The following CSMD1 variants were observed in gnomAD, a reference collection of about 807,000 sequenced individuals.
CSMD1 encodes CUB and sushi domain-containing protein 1.
A neutral mutation model predicts 417.5 loss-of-function variants in CSMD1; 213 were observed. That is an observed-to-expected ratio of 0.51 (90% CI 0.46 to 0.57). CSMD1 has a LOEUF of 0.57. Among genes scored for constraint, CSMD1 ranks in the 20% least tolerant of loss-of-function variants. The probability of loss-of-function intolerance (pLI) is 0.00; values close to 1 mark genes in which losing one functional copy is unlikely to be tolerated. For missense variants in CSMD1, 6,923 were observed against 4,529.7 expected, an observed-to-expected ratio of 1.53 and a Z score of -15.17; for synonymous variants, 2,862 against 1,736.8, an observed-to-expected ratio of 1.65 and a Z score of -16.11.
chr8:4,578,888 A>T (rs1799273872), intron 2 of CSMD1, among the ~76,000 whole-genome samples: 1 of 151,322 alleles, frequency 6.6e-6, no homozygotes, highest in Non-Finnish European at 1.5e-5. Context: ...TTACTAGATC[A>T]TTATTTTGAA....
At chr8:4,564,500 T>A (rs1398792147) in intron 2 of CSMD1, among the ~76,000 whole-genome samples, 1 of 152,180 alleles carries the variant, frequency 6.6e-6, no homozygotes, top group Non-Finnish European at 1.5e-5. Flanking sequence ...TTCCATGACA[T>A]ACTTTATCTA....
chr8:3,927,945 G>C (rs1412779908), intron 5 of CSMD1, among the ~76,000 whole-genome samples: 1 of 151,976 alleles, frequency 6.6e-6, no homozygotes, highest in Admixed American at 6.6e-5. Flanking sequence ...TAGATTATCT[G>C]TTAATTTCTT....
intron 6 of CSMD1, among the ~76,000 whole-genome samples, chr8:3,722,050 C>T (rs906092911): frequency 1.3e-5 from 2 of 152,100 alleles, no homozygotes; most frequent in African/African-American, 4.8e-5. Context: ...GTGTCAGAAG[C>T]ATAAGGAAGA....
intron 5 of CSMD1, among the ~76,000 whole-genome samples, chr8:3,975,332 T>G (rs1389453813): frequency 6.6e-6 from 1 of 152,244 alleles, no homozygotes; most frequent in East Asian, 1.9e-4. Flanking sequence ...GTTTGGATGT[T>G]TGTGGACATG....
intron 41 of CSMD1, among the ~76,000 whole-genome samples, chr8:3,123,931 C>T (rs746343006): frequency 2.6e-5 from 4 of 152,118 alleles, no homozygotes; most frequent in Non-Finnish European, 5.9e-5. Flanking sequence ...CAATTAAGTT[C>T]TTTTTTGGGA....
At chr8:4,423,281 A>C (rs1797354312) in intron 2 of CSMD1, among the ~76,000 whole-genome samples, 1 of 152,096 alleles carries the variant, frequency 6.6e-6, no homozygotes, top group Non-Finnish European at 1.5e-5. Flanking sequence ...CTACTATTTG[A>C]AGTTGGCATG....
At chr8:3,041,818 G>T (rs1354702580) in intron 50 of CSMD1, among the ~76,000 whole-genome samples, 3 of 152,154 alleles carry the variant, frequency 2.0e-5, no homozygotes, top group Non-Finnish European at 4.4e-5. Flanking sequence ...GCCATCAAAT[G>T]GCGGTAAACC....
At chr8:3,919,554 A>G (rs763838087) in intron 5 of CSMD1, among the ~76,000 whole-genome samples, 3 of 152,044 alleles carry the variant, frequency 2.0e-5, no homozygotes, top group African/African-American at 4.8e-5. Flanking sequence ...ATATAATTTG[A>G]TATCAGGACA....
chr8:3,298,266 C>G (rs1278482042), intron 25 of CSMD1, among the ~76,000 whole-genome samples: 2 of 152,152 alleles, frequency 1.3e-5, no homozygotes, highest in East Asian at 1.9e-4. Context: ...CATACATTCA[C>G]CAGGTAACAT....
intron 3 of CSMD1, among the ~76,000 whole-genome samples, chr8:4,359,899 T>C (rs946931451): frequency 1.3e-5 from 2 of 152,198 alleles, no homozygotes; most frequent in African/African-American, 4.8e-5. Context: ...CCCTACCTTT[T>C]AACCACAGTT....
chr8:3,823,916 T>C (rs1400356947), intron 5 of CSMD1, among the ~76,000 whole-genome samples: 1 of 152,176 alleles, frequency 6.6e-6, no homozygotes, highest in Non-Finnish European at 1.5e-5. Flanking sequence ...CATTTTTAAT[T>C]CTACCTTTAC....
At chr8:4,195,256 G>C (rs1049777959) in intron 3 of CSMD1, among the ~76,000 whole-genome samples, 1 of 152,124 alleles carries the variant, frequency 6.6e-6, no homozygotes. Flanking sequence ...TTTTTTAAGA[G>C]ACAGGGTCTT....
chr8:3,803,712 T>C (rs892644999), intron 5 of CSMD1, among the ~76,000 whole-genome samples: 2 of 152,182 alleles, frequency 1.3e-5, no homozygotes, highest in African/African-American at 4.8e-5. Flanking sequence ...GTTTGGATTT[T>C]ATTCAACTTC....
intron 8 of CSMD1, among the ~76,000 whole-genome samples, chr8:3,602,716 TACACACACACAC>T (rs34593924): frequency 5.5e-3 from 807 of 146,714 alleles, no homozygotes; most frequent in Non-Finnish European, 8.5e-3. Flanking sequence ...CAGGAAGAAT[TACACACACACAC>T]ACACACACAC....
chr8:3,222,367 C>G (rs1202209520), intron 28 of CSMD1, among the ~76,000 whole-genome samples: 1 of 151,830 alleles, frequency 6.6e-6, no homozygotes, highest in Non-Finnish European at 1.5e-5. Flanking sequence ...TCAGCTCAGA[C>G]TAGACACTCA....
chr8:4,177,644 G>T (rs1290426607), intron 3 of CSMD1, among the ~76,000 whole-genome samples: 1 of 141,390 alleles, frequency 7.1e-6, no homozygotes. Flanking sequence ...TCCAGGAGCT[G>T]CTTTTTTGAA....
rs58668077 is a variant in CSMD1, at chr8:4,033,130, G to GAAAA, written c.416-1035_416-1032dup. Among the ~76,000 whole-genome samples, 47 of 80,634 alleles carry GAAAA rather than the reference G, an allele frequency of 5.8e-4. 1 individual carries two copies. The highest frequency in any genetic ancestry group is 7.3e-4 in the Non-Finnish European group (33 of 45,466). The allele number at this position is 80,634 out of a possible 152,430, so 52.9% of individuals were successfully genotyped here. On this transcript the variant is annotated intron_variant, in intron 3 of 69. Transcript: ENST00000635120. ...AACTCTTGCAATTAATTTCCAATAT[G>GAAAA]AAAAAAAAAAAAAAAAAAAAAAAAA...
chr8:3,830,880 G>A (rs944686391), intron 5 of CSMD1, among the ~76,000 whole-genome samples: 1 of 152,120 alleles, frequency 6.6e-6, no homozygotes, highest in African/African-American at 2.4e-5. Context: ...CTTCATCGAG[G>A]TTCACTACGT....
intron 11 of CSMD1, among the ~76,000 whole-genome samples, chr8:3,490,926 G>C (rs1191229158): frequency 6.6e-6 from 1 of 152,198 alleles, no homozygotes; most frequent in South Asian, 2.1e-4. Flanking sequence ...TATTTGGCAA[G>C]GGTGCAGAAA....
Sources: gnomAD v4.1 joint callset for allele counts (sites outside exome capture counted in the v4.1 genomes callset) on GRCh38, gnomAD v4.1.1 for gene constraint, MANE v1.5 for transcripts, NCBI Gene and HGNC (gene_info 2026-07-23, HGNC 2026-07-21) for gene names.